C13orf42: variants seen among roughly 807,000 people sequenced by gnomAD.
The protein encoded by C13orf42 is chromosome 13 open reading frame 42.
intron 1 of C13orf42, among the ~76,000 whole-genome samples, chr13:51,103,591 T>C (rs571721346): frequency 1.9e-4 from 29 of 152,000 alleles, no homozygotes; most frequent in East Asian, 3.9e-4. Context: ...GTCCCAGCTA[T>C]TCAGGAGGCT....
chr13:51,165,426 A>T (rs1422103358), intron 1 of C13orf42, among the ~76,000 whole-genome samples: 2 of 152,210 alleles, frequency 1.3e-5, no homozygotes, highest in Non-Finnish European at 2.9e-5. Context: ...TTACCCAGGT[A>T]TTTCCTACTG....
At chr13:51,137,619 G>T (rs1236221153) in intron 1 of C13orf42, among the ~76,000 whole-genome samples, 2 of 152,104 alleles carry the variant, frequency 1.3e-5, no homozygotes, top group African/African-American at 4.8e-5. Flanking sequence ...CAACAGAAAG[G>T]GGGCCCTTCC....
intron 1 of C13orf42, among the ~76,000 whole-genome samples, chr13:51,127,584 G>C (rs528121635): frequency 6.6e-6 from 1 of 152,180 alleles, no homozygotes; most frequent in Non-Finnish European, 1.5e-5. Context: ...ACACTGCAAA[G>C]TGTTACCTTC....
At chr13:51,128,361 T>G (rs1953591277) in intron 1 of C13orf42, among the ~76,000 whole-genome samples, 1 of 152,216 alleles carries the variant, frequency 6.6e-6, no homozygotes, top group African/African-American at 2.4e-5. Flanking sequence ...AATATCTTTC[T>G]GTTGAACCAT....
At chr13:51,084,663 A>C (rs1953103230) in intron 3 of C13orf42, among the ~76,000 whole-genome samples, 1 of 152,242 alleles carries the variant, frequency 6.6e-6, no homozygotes, top group South Asian at 2.1e-4. Context: ...AAGACAGCTG[A>C]TGAGGCTTGA....
chr13:51,115,600 T>A (rs1393928234), upstream of C13orf42, among the ~76,000 whole-genome samples: 1 of 151,918 alleles, frequency 6.6e-6, no homozygotes, highest in African/African-American at 2.4e-5. Flanking sequence ...CATCTAGAAA[T>A]CCCCTCGACC....
At chr13:51,087,383 G>C (rs1488141970) in intron 2 of C13orf42, among the ~76,000 whole-genome samples, 1 of 152,196 alleles carries the variant, frequency 6.6e-6, no homozygotes, top group East Asian at 1.9e-4. Flanking sequence ...AATACAGTTT[G>C]TCCATTTCAT....
chr13:51,098,269 T>G (rs1953255691), intron 1 of C13orf42, among the ~76,000 whole-genome samples: 1 of 152,110 alleles, frequency 6.6e-6, no homozygotes, highest in African/African-American at 2.4e-5. Context: ...GCAAGAGATC[T>G]AAATTCTACA....
chr13:51,105,723 G>T (rs1314321899), intron 1 of C13orf42, among the ~76,000 whole-genome samples: 3 of 152,060 alleles, frequency 2.0e-5, no homozygotes, highest in Admixed American at 6.5e-5. Context: ...GATTTTCTAT[G>T]ATTTTTTTTC....
chr13:51,089,335 T>C (rs1953159785), intron 1 of C13orf42, among the ~76,000 whole-genome samples: 1 of 152,164 alleles, frequency 6.6e-6, no homozygotes, highest in Admixed American at 6.5e-5. Context: ...GACCACAATA[T>C]ACACCTTGAT....
upstream of C13orf42, among the ~76,000 whole-genome samples, chr13:51,111,810 A>T (rs1953437745): frequency 6.6e-6 from 1 of 151,930 alleles, no homozygotes; most frequent in African/African-American, 2.4e-5. Flanking sequence ...GGGCGTTGAC[A>T]GGAGCTCGCA....
At chr13:51,127,656 T>C (rs1953587176) in intron 1 of C13orf42, among the ~76,000 whole-genome samples, 1 of 152,232 alleles carries the variant, frequency 6.6e-6, no homozygotes, top group Non-Finnish European at 1.5e-5. Context: ...AATTTTGAAA[T>C]ATGTTAATAA....
chr13:51,164,597 C>T (rs921490618), intron 1 of C13orf42, among the ~76,000 whole-genome samples: 5 of 152,154 alleles, frequency 3.3e-5, no homozygotes, highest in African/African-American at 1.2e-4. Context: ...GAGTTCAAGG[C>T]TGTAATAAGC....
At chr13:51,089,913 G>C (rs1390339544) in intron 1 of C13orf42, among the ~76,000 whole-genome samples, 1 of 151,934 alleles carries the variant, frequency 6.6e-6, no homozygotes, top group South Asian at 2.1e-4. Flanking sequence ...AGATGGAGAG[G>C]TGACCAATGT....
At chr13:51,114,961 T>C (rs1474380827), upstream of C13orf42, among the ~76,000 whole-genome samples, 1 of 152,210 alleles carries the variant, frequency 6.6e-6, no homozygotes, top group Non-Finnish European at 1.5e-5. Context: ...GTAGTAACCA[T>C]ATCACTTTGT....
At position 51,111,022 on chromosome 13, in the gene C13orf42, T is replaced by A. The variant is rs1056546061; in HGVS notation, c.188A>T (p.Asp63Val). The change falls in exon 1 of 4, where the codon GAC (aspartate) becomes GTC (valine). Residue 63 changes from aspartate (D) to valine (V), a missense_variant. Asp to Val is a radical substitution (Grantham distance 152). Transcript: ENST00000563710. The part of the protein sequence containing the change: ...LKKYKSTSSM[D>V]TSLYYLRQEE... Reference sequence around the variant, plus strand: ...CTGCCGCAGGTAGTACAGGCTGGTGTCCATGCTACTGGTGCTTTTGTACTT... The same window carrying A: ...CTGCCGCAGGTAGTACAGGCTGGTGACCATGCTACTGGTGCTTTTGTACTT... 5.0e-6 allele frequency: 2 copies of A among 398,702 alleles called. No individual in the cohort carries two copies. Among genetic ancestry groups the A allele is most frequent in the Non-Finnish European group, 4.4e-6 (1 of 226,126 alleles). The allele number at this position is 398,702 out of a possible 1,614,324, so 24.7% of individuals were successfully genotyped here.
chr13:51,086,750 A>G (rs952826206), intron 2 of C13orf42, among the ~76,000 whole-genome samples: 6 of 152,138 alleles, frequency 3.9e-5, no homozygotes, highest in Non-Finnish European at 5.9e-5. Context: ...TTGCATCCTT[A>G]GTGGATTTTG....
Position 51,085,578 on chromosome 13 carries a change from T to C in C13orf42, c.563-19A>G. ...GTGGCCACTAGAAGAGAAAAGCATG[T>C]GACCCAGGAAGGAAGGGCTTGCCAT... On this transcript the variant is annotated intron_variant, in intron 2 of 3. Transcript: ENST00000563710. 2.5e-6 allele frequency: 1 copy of C among 398,730 alleles called. No homozygotes were observed. 24.7% of individuals were successfully genotyped at this position (398,730 alleles called of 1,614,324 possible).
intron 1 of C13orf42, among the ~76,000 whole-genome samples, chr13:51,129,230 A>G (rs1306957959): frequency 6.6e-6 from 1 of 152,220 alleles, no homozygotes; most frequent in African/African-American, 2.4e-5. Flanking sequence ...CTGGACTGGC[A>G]AAACAGAATA....
Sources: gnomAD v4.1 joint callset for allele counts (sites outside exome capture counted in the v4.1 genomes callset) on GRCh38, gnomAD v4.1.1 for gene constraint, MANE v1.5 for transcripts, NCBI Gene and HGNC (gene_info 2026-07-23, HGNC 2026-07-21) for gene names.